CDK14: variants seen among roughly 807,000 people sequenced by gnomAD.
The protein encoded by CDK14 is cyclin-dependent kinase 14.
A neutral mutation model predicts 60.7 loss-of-function variants in CDK14; 34 were observed. The observed-to-expected ratio is 0.56, with a 90% confidence interval of 0.43 to 0.75. The LOEUF (loss-of-function observed/expected upper bound fraction) is 0.75, where lower values mean the gene tolerates loss of function less well. Ranked by LOEUF, CDK14 falls within the 30% of genes least tolerant of loss-of-function variation. The pLI, the probability that CDK14 is intolerant of heterozygous loss-of-function variation, is 0.00. For synonymous variants in CDK14, 197 were observed against 203.7 expected (o/e 0.97, Z 0.28); for missense variants, 482 against 564.1 (o/e 0.85, Z 1.47).
chr7:90,628,246 C>T (rs903193061), intron 2 of CDK14, among the ~76,000 whole-genome samples: 4 of 152,136 alleles, frequency 2.6e-5, no homozygotes, highest in Non-Finnish European at 5.9e-5. Context: ...CGTGAGCCAC[C>T]GTGCCTGGCC....
chr7:90,803,913 G>T (rs12386664), intron 5 of CDK14, among the ~76,000 whole-genome samples: 145 of 152,284 alleles, frequency 9.5e-4, no homozygotes, highest in African/African-American at 3.4e-3. Context: ...ATAATTAAGT[G>T]GTAGATATGG....
intron 11 of CDK14, among the ~76,000 whole-genome samples, chr7:91,059,511 A>C (rs1350967706): frequency 6.6e-6 from 1 of 152,052 alleles, no homozygotes; most frequent in African/African-American, 2.4e-5. Context: ...TGTCAATTTT[A>C]GATCTTTCCT....
intron 11 of CDK14, among the ~76,000 whole-genome samples, chr7:91,077,940 G>T (rs535525834): frequency 6.6e-6 from 1 of 152,116 alleles, no homozygotes; most frequent in Non-Finnish European, 1.5e-5. Context: ...GCCAGAAAGC[G>T]TATGAAAAGA....
intron 11 of CDK14, among the ~76,000 whole-genome samples, chr7:91,063,636 C>T (rs73398978): frequency 6.6e-6 from 1 of 152,196 alleles, no homozygotes; most frequent in Non-Finnish European, 1.5e-5. Flanking sequence ...CCAATCCTCA[C>T]TCTCCACTAG....
intron 10 of CDK14, among the ~76,000 whole-genome samples, chr7:91,013,461 A>C (rs1028164789): frequency 1.8e-4 from 27 of 152,194 alleles, no homozygotes; most frequent in Admixed American, 1.5e-3. Flanking sequence ...ATTTTAAAGA[A>C]AGACATTCTA....
chr7:91,143,261 G>A (rs943692876), intron 14 of CDK14, among the ~76,000 whole-genome samples: 5 of 152,198 alleles, frequency 3.3e-5, no homozygotes, highest in African/African-American at 4.8e-5. Flanking sequence ...GAGTAGGTGA[G>A]TGGGTACCTG....
intron 14 of CDK14, among the ~76,000 whole-genome samples, chr7:91,187,189 C>T (rs372409049): frequency 3.3e-5 from 5 of 152,120 alleles, no homozygotes; most frequent in East Asian, 3.8e-4. Context: ...ATACTCATCT[C>T]GTAGTTCTTT....
chr7:90,848,190 C>G (rs146599354), intron 5 of CDK14, among the ~76,000 whole-genome samples: 1 of 152,254 alleles, frequency 6.6e-6, no homozygotes, highest in Non-Finnish European at 1.5e-5. Context: ...CAACCTCTGC[C>G]TCCTGGGTTG....
chr7:91,102,999 A>G (rs1255370569), intron 12 of CDK14, among the ~76,000 whole-genome samples: 1 of 152,182 alleles, frequency 6.6e-6, no homozygotes, highest in African/African-American at 2.4e-5. Context: ...CACACCTATA[A>G]TCCCAGCACT....
intron 10 of CDK14, among the ~76,000 whole-genome samples, chr7:91,029,153 G>A (rs527714273): frequency 6.6e-6 from 1 of 152,120 alleles, no homozygotes; most frequent in African/African-American, 2.4e-5. Flanking sequence ...GTGATAGATA[G>A]GGGTCCAGTT....
At chr7:90,732,381 T>A (rs1394182032) in intron 3 of CDK14, among the ~76,000 whole-genome samples, 1 of 152,196 alleles carries the variant, frequency 6.6e-6, no homozygotes, top group Non-Finnish European at 1.5e-5. Context: ...GATTCCCTCT[T>A]TTTCTGTTGT....
chr7:90,943,332 G>A (rs190222405), intron 8 of CDK14, among the ~76,000 whole-genome samples: 14 of 152,248 alleles, frequency 9.2e-5, no homozygotes, highest in Non-Finnish European at 1.5e-4. Flanking sequence ...AGTATATTTT[G>A]TATAGCTAGA....
At chr7:90,946,157 C>T (rs939342653) in intron 8 of CDK14, among the ~76,000 whole-genome samples, 1 of 152,164 alleles carries the variant, frequency 6.6e-6, no homozygotes, top group East Asian at 1.9e-4. Flanking sequence ...TACAGACTGT[C>T]TTAGATCCTT....
chr7:90,958,847 T>G (rs1208947417), intron 9 of CDK14, among the ~76,000 whole-genome samples: 1 of 152,108 alleles, frequency 6.6e-6, no homozygotes, highest in Non-Finnish European at 1.5e-5. Flanking sequence ...TTGGAGCCAG[T>G]TTTTGTCTTA....
chr7:91,174,140 T>TCCCTGAC (rs1019211491), intron 14 of CDK14, among the ~76,000 whole-genome samples: 1 of 151,906 alleles, frequency 6.6e-6, no homozygotes, highest in East Asian at 1.9e-4. Context: ...CTCAAGTGGG[T>TCCCTGAC]CCCTGACCCC....
At chr7:90,988,120 T>C (rs1188040635) in intron 10 of CDK14, among the ~76,000 whole-genome samples, 2 of 152,166 alleles carry the variant, frequency 1.3e-5, no homozygotes, top group Non-Finnish European at 2.9e-5. Context: ...TAAAAGTCTT[T>C]ATGTTTTTCT....
At chr7:91,130,503 T>A (rs1486512221) in intron 14 of CDK14, among the ~76,000 whole-genome samples, 1 of 152,190 alleles carries the variant, frequency 6.6e-6, no homozygotes, top group Non-Finnish European at 1.5e-5. Flanking sequence ...ACTGCTCTAT[T>A]TCACAAGTGT....
At chr7:90,668,699 C>CTTTTTTTT (rs59773768) in intron 2 of CDK14, among the ~76,000 whole-genome samples, 2 of 87,536 alleles carry the variant, frequency 2.3e-5, no homozygotes, top group African/African-American at 8.7e-5. Context: ...GACTCGCATT[C>CTTTTTTTT]TTTTTTTTTT....
intron 5 of CDK14, among the ~76,000 whole-genome samples, chr7:90,838,996 A>G (rs1324825251): frequency 6.6e-6 from 1 of 152,150 alleles, no homozygotes; most frequent in South Asian, 2.1e-4. Flanking sequence ...TTTTGCAGCT[A>G]GGGGTCGCCA....
Sources: gnomAD v4.1 joint callset for allele counts (sites outside exome capture counted in the v4.1 genomes callset) on GRCh38, gnomAD v4.1.1 for gene constraint, MANE v1.5 for transcripts, NCBI Gene and HGNC (gene_info 2026-07-23, HGNC 2026-07-21) for gene names.